The following DGKI variants were observed in gnomAD, a reference collection of about 807,000 sequenced individuals.
DGKI encodes DAG kinase iota.
A neutral mutation model predicts 147.5 loss-of-function variants in DGKI; 55 were observed. That is an observed-to-expected ratio of 0.37 (90% CI 0.30 to 0.47). The LOEUF is 0.47. DGKI is among the 20% of genes least tolerant of loss of function. The pLI, the probability that DGKI is intolerant of heterozygous loss-of-function variation, is 1.00. For synonymous variants in DGKI, 469 were observed against 477.1 expected (o/e 0.98, Z 0.22); for missense variants, 1,007 against 1,323.8 (o/e 0.76, Z 3.71).
intron 27 of DGKI, among the ~76,000 whole-genome samples, chr7:137,459,470 ATTTTTTTTT>A (rs68045398): frequency 1.9e-5 from 2 of 107,484 alleles, no homozygotes; most frequent in East Asian, 2.7e-4. Context: ...AATTTTTTAA[ATTTTTTTTT>A]TTTTTTTTTT....
At chr7:137,433,240 G>C (rs1459933705) in intron 28 of DGKI, among the ~76,000 whole-genome samples, 1 of 152,140 alleles carries the variant, frequency 6.6e-6, no homozygotes, top group Admixed American at 6.5e-5. Flanking sequence ...TGCATTCAAA[G>C]CACTACAGCA....
chr7:137,594,909 A>G (rs1819734451), intron 12 of DGKI, among the ~76,000 whole-genome samples: 1 of 152,246 alleles, frequency 6.6e-6, no homozygotes, highest in Non-Finnish European at 1.5e-5. Flanking sequence ...TTTTGATTCT[A>G]AGTATTTTAA....
chr7:137,748,854 G>C (rs961534513), intron 1 of DGKI, among the ~76,000 whole-genome samples: 22 of 152,120 alleles, frequency 1.4e-4, no homozygotes, highest in African/African-American at 5.1e-4. Context: ...TTAAGGAAAA[G>C]AATTTATAAC....
At chr7:137,529,649 T>C (rs1267658279) in intron 20 of DGKI, among the ~76,000 whole-genome samples, 4 of 152,228 alleles carry the variant, frequency 2.6e-5, no homozygotes, top group Non-Finnish European at 4.4e-5. Flanking sequence ...CCTTGAATGA[T>C]ATTTCAAATT....
chr7:137,604,469 G>A (rs1336298298), intron 10 of DGKI, among the ~76,000 whole-genome samples: 3 of 152,122 alleles, frequency 2.0e-5, no homozygotes, highest in African/African-American at 7.2e-5. Flanking sequence ...CTTAGGAGGG[G>A]TGGCCCTAGT....
chr7:137,724,763 A>G lies in DGKI; in HGVS notation c.402-34761T>C, dbSNP rs562358644. 2.0e-5 allele frequency among the ~76,000 whole-genome samples: 3 copies of G among 152,356 alleles called. No homozygotes were observed. The South Asian group carries it at 6.2e-4, about 32-fold the overall frequency. ...ACAAGACTTCTAAGCAGAGATGTCA[A>G]GTAGGAGGTGTGGAGTGCAGGGGAG... On this transcript the variant is annotated intron_variant, in intron 1 of 32. Transcript: ENST00000614521.
Position 137,728,695 on chromosome 7 carries a change from T to C in DGKI, c.402-38693A>G, listed in dbSNP as rs576367499. Among the ~76,000 whole-genome samples the C allele has an allele frequency of 2.0e-4, 31 of 152,298 alleles. No homozygotes were observed. In the South Asian group the frequency reaches 6.4e-3, roughly 32 times the overall value. Reference sequence around the variant, plus strand: ...CTTGTCTAACCAGTGCTCAGACAGATATCACCAGCTTTTCCCCCCATGGTT... The same window carrying C: ...CTTGTCTAACCAGTGCTCAGACAGACATCACCAGCTTTTCCCCCCATGGTT... On this transcript the variant is annotated intron_variant, in intron 1 of 32. Coordinates refer to ENST00000614521, the MANE Select transcript of DGKI (RefSeq NM_001321708.2).
chr7:137,696,552 C>G (rs1168981192), intron 1 of DGKI, among the ~76,000 whole-genome samples: 2 of 137,016 alleles, frequency 1.5e-5, no homozygotes, highest in African/African-American at 5.5e-5. Context: ...CCAAGTGTAA[C>G]TTTCCTAACC....
At chr7:137,486,514 T>G (rs1022887175) in intron 22 of DGKI, among the ~76,000 whole-genome samples, 3 of 152,148 alleles carry the variant, frequency 2.0e-5, no homozygotes, top group African/African-American at 4.8e-5. Flanking sequence ...TCACTAAAAA[T>G]TCACGTATTT....
intron 1 of DGKI, among the ~76,000 whole-genome samples, chr7:137,749,562 C>A (rs1226163111): frequency 6.6e-6 from 1 of 152,156 alleles, no homozygotes; most frequent in Non-Finnish European, 1.5e-5. Flanking sequence ...ATAACCTTAG[C>A]TGAATATATT....
chr7:137,766,626 C>T (rs1387089772), intron 1 of DGKI, among the ~76,000 whole-genome samples: 2 of 152,264 alleles, frequency 1.3e-5, no homozygotes, highest in African/African-American at 2.4e-5. Flanking sequence ...GAGAATCTTC[C>T]TTATTCCCTC....
chr7:137,767,122 C>A (rs1183868518), intron 1 of DGKI, among the ~76,000 whole-genome samples: 1 of 152,174 alleles, frequency 6.6e-6, no homozygotes, highest in East Asian at 1.9e-4. Context: ...GGGCCACCCA[C>A]GGAAGTTATC....
chr7:137,486,514 T>C (rs1022887175), intron 22 of DGKI, among the ~76,000 whole-genome samples: 11 of 152,148 alleles, frequency 7.2e-5, no homozygotes, highest in Non-Finnish European at 1.5e-4. Flanking sequence ...TCACTAAAAA[T>C]TCACGTATTT....
intron 21 of DGKI, among the ~76,000 whole-genome samples, chr7:137,506,807 A>G (rs1165407744): frequency 1.3e-5 from 2 of 152,206 alleles, no homozygotes; most frequent in Non-Finnish European, 2.9e-5. Flanking sequence ...AAAGAAACAG[A>G]AAAATCAAGA....
chr7:137,751,729 C>T (rs896738460), intron 1 of DGKI, among the ~76,000 whole-genome samples: 1 of 152,150 alleles, frequency 6.6e-6, no homozygotes, highest in Non-Finnish European at 1.5e-5. Context: ...ATCTGTGTCA[C>T]AACTACTTTC....
At chr7:137,473,792 C>T (rs926087497) in intron 23 of DGKI, among the ~76,000 whole-genome samples, 1 of 152,064 alleles carries the variant, frequency 6.6e-6, no homozygotes, top group Non-Finnish European at 1.5e-5. Flanking sequence ...AGTTCTTCTA[C>T]TTATGTTCAT....
At chr7:137,721,107 T>G (rs763828905) in intron 1 of DGKI, among the ~76,000 whole-genome samples, 1 of 152,218 alleles carries the variant, frequency 6.6e-6, no homozygotes, top group African/African-American at 2.4e-5. Context: ...TTATATCCCA[T>G]GGTTTGGACA....
At chr7:137,706,524 T>C (rs895010823) in intron 1 of DGKI, among the ~76,000 whole-genome samples, 11 of 143,518 alleles carry the variant, frequency 7.7e-5, no homozygotes, top group Admixed American at 5.4e-4. Context: ...CATTTTATTT[T>C]ATTTCATTTT....
chr7:137,517,685 A>G (rs536765398), intron 21 of DGKI, among the ~76,000 whole-genome samples: 4 of 152,154 alleles, frequency 2.6e-5, no homozygotes, highest in African/African-American at 9.7e-5. Flanking sequence ...TAAATCTAAA[A>G]TTATTCCAAA....
Sources: gnomAD v4.1 joint callset for allele counts (sites outside exome capture counted in the v4.1 genomes callset) on GRCh38, gnomAD v4.1.1 for gene constraint, MANE v1.5 for transcripts, NCBI Gene and HGNC (gene_info 2026-07-23, HGNC 2026-07-21) for gene names.